Variants in CFAP44 observed in about 807,000 individuals in gnomAD.
The protein encoded by CFAP44 is cilia- and flagella-associated protein 44.
CFAP44 carries 134 observed loss-of-function variants against 216.2 expected under a neutral mutation model. The ratio of observed to expected loss-of-function variants is 0.62; its 90% confidence interval spans 0.54 to 0.72. The LOEUF (loss-of-function observed/expected upper bound fraction) is 0.72. Among genes scored for constraint, CFAP44 ranks in the 30% least tolerant of loss-of-function variants. The pLI is 0.00. For missense variants in CFAP44, 2,035 were observed against 2,182.1 expected, an observed-to-expected ratio of 0.93 and a Z score of 1.34; for synonymous variants, 700 against 727.6, an observed-to-expected ratio of 0.96 and a Z score of 0.61.
At chr3:113,352,718 CAG>C (rs761673690) in intron 22 of CFAP44, among the ~76,000 whole-genome samples, 1 of 152,060 alleles carries the variant, frequency 6.6e-6, no homozygotes, top group Non-Finnish European at 1.5e-5. Flanking sequence ...GAAATCTAAA[CAG>C]AGAATTCTCA....
chr3:113,379,473 C>A lies in CFAP44; in HGVS notation c.2131G>T (p.Ala711Ser), dbSNP rs780101411. The A allele has an allele frequency of 6.2e-7, 1 of 1,610,156 alleles. No individual in the cohort carries two copies. The highest frequency in any genetic ancestry group is 8.5e-7 in the Non-Finnish European group (1 of 1,176,544). ...TCTCCATCTTCTCCCATCTCTGCTGCTAGCTTGTTCCTCCTTTCTTCCCTT... is the reference window on the plus strand; with the variant it reads ...TCTCCATCTTCTCCCATCTCTGCTGATAGCTTGTTCCTCCTTTCTTCCCTT... ...KIREERRNKL[A>S]AEMGEDGEKE... Residue 711 changes from alanine to serine, a missense_variant, in exon 17 of 35, where the codon GCA becomes TCA. Ala to Ser is a moderately conservative substitution (Grantham distance 99, BLOSUM62 1). Transcript: ENST00000393845.
chr3:113,308,754 C>A (rs114361491), intron 28 of CFAP44, among the ~76,000 whole-genome samples: 3,807 of 152,076 alleles, frequency 0.025, 60 homozygotes, highest in East Asian at 0.052. Context: ...TTATGCCCAG[C>A]TAATTTTTGG....
chr3:113,385,651 G>T (rs544658452), intron 15 of CFAP44, among the ~76,000 whole-genome samples: 1 of 152,038 alleles, frequency 6.6e-6, no homozygotes, highest in South Asian at 2.1e-4. Flanking sequence ...TTGTTTGTTT[G>T]TTTGTTTTGA....
chr3:113,334,722 C>T lies in CFAP44; in HGVS notation c.3438-1139G>A, dbSNP rs552237591. Among the ~76,000 whole-genome samples, 21 of 152,232 alleles carry T rather than the reference C, an allele frequency of 1.4e-4. No individual in the cohort carries two copies. The South Asian group carries it at 3.9e-3, about 29-fold the overall frequency. ...CCAAACTTTCCCACCTACACACATA[C>T]GAAACAGTGGCAATCTTTATATCCA... On this transcript the variant is annotated intron_variant, in intron 24 of 34. Transcript: ENST00000393845.
intron 6 of CFAP44, among the ~76,000 whole-genome samples, chr3:113,412,763 C>G (rs1413773055): frequency 6.6e-6 from 1 of 152,146 alleles, no homozygotes; most frequent in African/African-American, 2.4e-5. Flanking sequence ...TTTCTTCATC[C>G]AGTCTATCAT....
chr3:113,418,010 G>A (rs1934694232), intron 5 of CFAP44, among the ~76,000 whole-genome samples: 1 of 152,072 alleles, frequency 6.6e-6, no homozygotes, highest in Non-Finnish European at 1.5e-5. Flanking sequence ...AAACTGCTGT[G>A]GGGTTGAGTT....
intron 3 of CFAP44, 61 bp downstream of exon 3, chr3:113,427,126 T>C (rs1934982246): frequency 6.5e-7 from 1 of 1,537,528 alleles, no homozygotes; most frequent in East Asian, 2.3e-5. Flanking sequence ...AACTCTTCCA[T>C]TTGTCTGGGC....
At chr3:113,405,167 G>T (rs889834304) in intron 8 of CFAP44, among the ~76,000 whole-genome samples, 10 of 152,232 alleles carry the variant, frequency 6.6e-5, no homozygotes, top group Admixed American at 1.3e-4. Context: ...AGAAACTGAT[G>T]ATTTTATTCA....
chr3:113,382,937 T>A (rs1933552330), intron 15 of CFAP44, among the ~76,000 whole-genome samples: 1 of 152,218 alleles, frequency 6.6e-6, no homozygotes, highest in East Asian at 1.9e-4. Flanking sequence ...AGGGAGTTGA[T>A]AAGAGCAATG....
intron 7 of CFAP44, among the ~76,000 whole-genome samples, chr3:113,408,762 C>CTGAG (rs2107371611): frequency 6.6e-6 from 1 of 150,502 alleles, no homozygotes; most frequent in South Asian, 2.1e-4. Context: ...ACTCAGGAGG[C>CTGAG]TGAGGCAGGA....
intron 31 of CFAP44, 97 bp downstream of exon 31, chr3:113,304,939 G>A (rs1949971009): frequency 2.8e-6 from 3 of 1,066,136 alleles, no homozygotes; most frequent in South Asian, 1.5e-5. Context: ...AAAGAACCAC[G>A]ATTCTCCCCA....
At chr3:113,393,129 A>T (rs1300099899) in intron 15 of CFAP44, among the ~76,000 whole-genome samples, 1 of 152,226 alleles carries the variant, frequency 6.6e-6, no homozygotes, top group Non-Finnish European at 1.5e-5. Flanking sequence ...ATGAGATCTG[A>T]TATTTCAGCT....
chr3:113,338,470 G>A (rs973574722), intron 24 of CFAP44, among the ~76,000 whole-genome samples: 24 of 151,968 alleles, frequency 1.6e-4, no homozygotes, highest in African/African-American at 5.6e-4. Context: ...GACACGAAGA[G>A]TCATGTCACT....
intron 28 of CFAP44, among the ~76,000 whole-genome samples, chr3:113,318,254 A>C (rs1236998131): frequency 6.6e-6 from 1 of 152,144 alleles, no homozygotes; most frequent in African/African-American, 2.4e-5. Context: ...AGAAAACCGA[A>C]CTCCTAGAGC....
At position 113,290,866 on chromosome 3, in the gene CFAP44, G is replaced by A. The variant is rs954405398; in HGVS notation, c.*691C>T. On this transcript the variant is annotated 3_prime_UTR_variant, in exon 35 of 35. Transcript: ENST00000393845. The stretch of plus-strand genomic sequence containing the variant: ...TTAAAGAAAAGCCTCTTTATTGACT[G>A]TTTTATTAAGCATGCCCCTCTGCTC... 1 of 152,152 alleles carries A rather than the reference G, an allele frequency of 6.6e-6. No homozygotes were observed. The allele number at this position is 152,152 out of a possible 1,614,324, so 9.4% of individuals were successfully genotyped here. A position where few individuals can be genotyped will look rare whatever the true frequency, so the allele number is the denominator to read the frequency against.
intron 28 of CFAP44, among the ~76,000 whole-genome samples, chr3:113,321,727 CA>C (rs1950147933): frequency 6.6e-6 from 1 of 152,080 alleles, no homozygotes; most frequent in South Asian, 2.1e-4. Context: ...CAATAATGTA[CA>C]GTCTGAAAAT....
intron 23 of CFAP44, 106 bp downstream of exon 23, chr3:113,344,410 G>T: frequency 1.1e-6 from 1 of 940,236 alleles, no homozygotes; most frequent in Non-Finnish European, 1.6e-6. Flanking sequence ...AGGGGCAAGA[G>T]ATTGAGCTCA....
At position 113,363,540 on chromosome 3, in the gene CFAP44, A is replaced by T; in HGVS notation, c.2716-8T>A. 1 of 1,604,362 alleles carries T rather than the reference A, an allele frequency of 6.2e-7. No homozygotes were observed. The highest frequency in any genetic ancestry group is 1.7e-5 in the Admixed American group (1 of 59,186). ...CTCTGTTTCAATTCCAAACTATAGGAAGGGAAGTAAAAGGTTAGCCCTTTA... is the reference window on the plus strand; with the variant it reads ...CTCTGTTTCAATTCCAAACTATAGGTAGGGAAGTAAAAGGTTAGCCCTTTA... On this transcript the variant is annotated splice_polypyrimidine_tract_variant and splice_region_variant and intron_variant, in intron 19 of 34. Transcript: ENST00000393845.
intron 6 of CFAP44, among the ~76,000 whole-genome samples, chr3:113,414,505 A>G (rs1013015592): frequency 2.6e-5 from 4 of 152,198 alleles, no homozygotes; most frequent in Non-Finnish European, 5.9e-5. Context: ...TTTGTCATAA[A>G]TAGCACTTAT....
Sources: gnomAD v4.1 joint callset for allele counts (sites outside exome capture counted in the v4.1 genomes callset) on GRCh38, gnomAD v4.1.1 for gene constraint, MANE v1.5 for transcripts, NCBI Gene and HGNC (gene_info 2026-07-23, HGNC 2026-07-21) for gene names.